Variants in MATN4 observed in about 807,000 individuals in gnomAD.
The protein encoded by MATN4 is matrilin-4.
MATN4 carries 40 observed loss-of-function variants against 54.6 expected under a neutral mutation model. The ratio of observed to expected loss-of-function variants is 0.73; its 90% CI spans 0.57 to 0.95. The LOEUF (loss-of-function observed/expected upper bound fraction) is 0.95. Among genes scored for constraint, MATN4 ranks in the 40% least tolerant of loss-of-function variants. MATN4 has a pLI of 0.00. For missense variants in MATN4, 810 were observed against 819.1 expected (o/e 0.99, Z 0.13); for synonymous variants, 351 against 345.3 (o/e 1.02, Z -0.18).
Position 45,304,600 on chromosome 20 carries a change from A to G in MATN4, c.271T>C (p.Phe91Leu). The G allele has an allele frequency of 6.3e-7, 1 of 1,594,640 alleles. No individual in the cohort carries two copies. The highest frequency in any genetic ancestry group is 8.6e-7 in the Non-Finnish European group (1 of 1,164,240). Reference sequence around the variant, plus strand: ...CGCTCCATGTCCTCGCGGCGAGAGAACGCGCGGAGAGGGAAGACGCTCTGC... The same window carrying G: ...CGCTCCATGTCCTCGCGGCGAGAGAGCGCGCGGAGAGGGAAGACGCTCTGC... The part of the protein sequence containing the change: ...QVQSVFPLRA[F>L]SRREDMERAI... The change falls in exon 3 of 10, where the codon TTC (phenylalanine) becomes CTC (leucine). Residue 91 changes from phenylalanine (F) to leucine (L), a missense_variant. Coordinates refer to ENST00000372756, the MANE Select transcript of MATN4 (RefSeq NM_001393530.1).
chr20:45,300,762 C>T (rs1459295974), intron 6 of MATN4, 125 bp downstream of exon 6: 20 of 1,198,580 alleles, frequency 1.7e-5, no homozygotes, highest in Non-Finnish European at 2.3e-5. Flanking sequence ...TCCAATGTCA[C>T]CCCCACAACA....
chr20:45,305,475 C>T, intron 2 of MATN4, 35 bp downstream of exon 2: 1 of 1,521,018 alleles, frequency 6.6e-7, no homozygotes, highest in Non-Finnish European at 8.9e-7. Context: ...TTCCGCTCCC[C>T]TCCTCCCACT....
rs758524789 is a variant in MATN4 at position 45,298,027 on chromosome 20, C to T, written c.1470G>A (p.Ala490=). Residue 490 remains alanine (A), a synonymous_variant, in exon 8 of 10, where the codon GCG becomes GCA. Coordinates refer to ENST00000372756, the MANE Select transcript of MATN4 (RefSeq NM_001393530.1). The surrounding 1 kb of genome is among the most constrained non-coding windows in gnomAD (Gnocchi z 4.6). ...GCTCCGAGGCGATCTCGCGCAGCTC[C>T]GCCTCCACCGCCTTGCCCACGCCCA... ...YAVGVGKAVE[A]ELREIASEPA... 26 of 1,613,914 alleles carry T rather than the reference C, an allele frequency of 1.6e-5. No individual in the cohort carries two copies. Among genetic ancestry groups the T allele is most frequent in the East Asian group, 1.6e-4 (7 of 44,884 alleles).
At chr20:45,300,788 A>AGGCTCCTATTCC in intron 6 of MATN4, 99 bp downstream of exon 6, 1 of 1,474,288 alleles carries the variant, frequency 6.8e-7, no homozygotes, top group African/African-American at 1.4e-5. Flanking sequence ...AGACATTCAC[A>AGGCTCCTATTCC]CCACAGCCTA....
At chr20:45,305,802 A>ATTTTTTTTTTTTTTTTTTTTTTTTTTT (rs1050722306) in intron 1 of MATN4, among the ~76,000 whole-genome samples, 186 bp from the exon 2 acceptor site, 1 of 12,178 alleles carries the variant, frequency 8.2e-5, no homozygotes, top group African/African-American at 3.0e-4. Flanking sequence ...AACACAAGAG[A>ATTTTTTTTTTTTTTTTTTTTTTTTTTT]TTCTTTTTTT....
chr20:45,298,017 C>G lies in MATN4; in HGVS notation c.1480G>C (p.Glu494Gln), dbSNP rs753576812. Residue 494 changes from glutamate to glutamine, a missense_variant, in exon 8 of 10, where the codon GAG becomes CAG. Transcript: ENST00000372756. The surrounding 1 kb of genome is among the most constrained non-coding windows in gnomAD (Gnocchi z 4.6). ...VGKAVEAELREIASEPAELHV... is the reference protein window; with the variant it reads ...VGKAVEAELRQIASEPAELHV... ...AGTTCCGCTGGCTCCGAGGCGATCT[C>G]GCGCAGCTCCGCCTCCACCGCCTTG... The G allele has an allele frequency of 1.2e-6, 2 of 1,614,020 alleles. No individual in the cohort carries two copies. Among genetic ancestry groups the G allele is most frequent in the East Asian group, 4.5e-5 (2 of 44,872 alleles).
chr20:45,297,660 A>G lies in MATN4; in HGVS notation c.1579+258T>C, dbSNP rs185938884. On this transcript the variant is annotated intron_variant, in intron 8 of 9. Coordinates refer to ENST00000372756, the MANE Select transcript of MATN4 (RefSeq NM_001393530.1). ...ATTTCTTAGACTTTAATATGCTTAC[A>G]AATCACCTGAGAATCTTGTCGAAGT... Among the ~76,000 whole-genome samples, 436 of 152,312 alleles carry G rather than the reference A, an allele frequency of 2.9e-3. 4 individuals are homozygous for G. The highest frequency in any genetic ancestry group is 0.01 in the African/African-American group (423 of 41,558).
chr20:45,308,341 CGGGTG>C, upstream of MATN4: 1 of 866,792 alleles, frequency 1.2e-6, no homozygotes, highest in Non-Finnish European at 1.9e-6. Context: ...CCAGGGCTGG[CGGGTG>C]GGGAGGGGAA....
rs1227332784 is a variant in MATN4, at chr20:45,298,377, C to T, written c.1219G>A (p.Glu407Lys). Residue 407 changes from glutamate (E) to lysine (K), a missense_variant, in exon 7 of 10, where the codon GAG becomes AAG. Coordinates refer to ENST00000372756, the MANE Select transcript of MATN4 (RefSeq NM_001393530.1). The surrounding 1 kb of genome is among the most constrained non-coding windows in gnomAD (Gnocchi z 4.6). ...ACGGCCAGGACCGCCTGCTTCACCT[C>T]GGCTGCGGTGCCGTAGCGACCCAGA... Reference protein sequence around the residue: ...FPLGRYGTAAEVKQAVLAVEY... With the variant: ...FPLGRYGTAAKVKQAVLAVEY... The T allele has an allele frequency of 6.2e-7, 1 of 1,612,292 alleles. No homozygotes were observed. Among genetic ancestry groups the T allele is most frequent in the South Asian group, 1.1e-5 (1 of 90,912 alleles).
rs1374684839 is a variant in MATN4, at chr20:45,293,979, G to A, written c.1616C>T (p.Pro539Leu). The A allele has an allele frequency of 6.2e-7, 1 of 1,603,330 alleles. No homozygotes were observed. Among genetic ancestry groups the A allele is most frequent in the Non-Finnish European group, 8.5e-7 (1 of 1,179,666 alleles). Residue 539 changes from proline (P) to leucine (L), a missense_variant, in exon 9 of 10, where the codon CCA becomes CTA. By Grantham distance (98) the Pro-to-Leu change is moderately conservative (BLOSUM62 -3). Coordinates refer to ENST00000372756, the MANE Select transcript of MATN4 (RefSeq NM_001393530.1). The stretch of plus-strand genomic sequence containing the variant: ...CTCCACGAGGCTTTCGCATTCGCAT[G>A]GGCTCCGAAGCTCTGTCCCTGCGCT... ...GISAGTELRSPCECESLVEFQ... is the reference protein window; with the variant it reads ...GISAGTELRSLCECESLVEFQ...
At chr20:45,308,498 C>T (rs753682641), upstream of MATN4, 49 of 528,314 alleles carry the variant, frequency 9.3e-5, no homozygotes, top group Middle Eastern at 5.1e-4. Context: ...TCAGCTACAG[C>T]GGGAGACTGG....
intron 8 of MATN4, among the ~76,000 whole-genome samples, chr20:45,295,724 G>A (rs114043221): frequency 3.3e-4 from 50 of 152,190 alleles, no homozygotes; most frequent in African/African-American, 1.1e-3. Context: ...GGTGATTCTG[G>A]TGTGACCTAA....
chr20:45,293,467 T>A lies in MATN4; in HGVS notation c.*300A>T, dbSNP rs962922624. ...GGACCCCGTGGAAATCAGTTTTTTT[T>A]ATTTTTTTAAGAACACAAACAAGAA... On this transcript the variant is annotated 3_prime_UTR_variant, in exon 10 of 10. Coordinates refer to ENST00000372756, the MANE Select transcript of MATN4 (RefSeq NM_001393530.1). 2.8e-5 allele frequency: 10 copies of A among 353,248 alleles called. No homozygotes were observed. The South Asian group carries it at 6.5e-4, about 23-fold the overall frequency. 21.9% of individuals were successfully genotyped at this position (353,248 alleles called of 1,614,324 possible). A position where few individuals can be genotyped will look rare whatever the true frequency, so the allele number is the denominator to read the frequency against.
chr20:45,299,075 G>A (rs1021954534), intron 6 of MATN4, among the ~76,000 whole-genome samples: 1 of 152,136 alleles, frequency 6.6e-6, no homozygotes, highest in African/African-American at 2.4e-5. Flanking sequence ...GATGGATAAA[G>A]TGATTGCCCC....
chr20:45,294,087 T>C, intron 8 of MATN4, 72 bp from the exon 9 acceptor site: 1 of 1,196,076 alleles, frequency 8.4e-7, no homozygotes, highest in South Asian at 1.3e-5. Context: ...TTCCCTGCAC[T>C]GGGCCTATGG....
Position 45,298,241 on chromosome 20 carries a change from AC to A in MATN4, c.1354del (p.Val452LeufsTer62), listed in dbSNP as rs1348667518. 6.2e-7 allele frequency: 1 copy of A among 1,611,828 alleles called. No individual in the cohort carries two copies. The highest frequency in any genetic ancestry group is 2.2e-5 in the East Asian group (1 of 44,810). On this transcript the variant is annotated frameshift_variant, in exon 7 of 10. Coordinates refer to ENST00000372756, the MANE Select transcript of MATN4 (RefSeq NM_001393530.1). LOFTEE classifies it high-confidence loss of function. The surrounding 1 kb of genome is among the most constrained non-coding windows in gnomAD (Gnocchi z 4.6). ...ARPRALNVPRVGLVFTDGRSQ... is the reference protein window; with the variant it reads ...ARPRALNVPRXGLVFTDGRSQ... Reference sequence around the variant, plus strand: ...GCGGCCATCCGTGAAGACCAGGCCAACACGAGGCACGTTAAGGGCACGGGGC... The same window carrying A: ...GCGGCCATCCGTGAAGACCAGGCCAAACGAGGCACGTTAAGGGCACGGGGC...
intron 1 of MATN4, chr20:45,306,776 C>T: frequency 3.5e-6 from 2 of 577,244 alleles, no homozygotes; most frequent in Non-Finnish European, 2.6e-6. Context: ...AACAGGGGGC[C>T]GGGGCCCGGG....
intron 8 of MATN4, among the ~76,000 whole-genome samples, chr20:45,294,919 T>C (rs1296448973): frequency 2.6e-5 from 4 of 152,146 alleles, no homozygotes; most frequent in African/African-American, 7.2e-5. Context: ...ACAAACCCTA[T>C]TGTAAACTGT....
At chr20:45,308,619 T>C (rs1264039178), upstream of MATN4, 4 of 258,326 alleles carry the variant, frequency 1.5e-5, no homozygotes, top group Non-Finnish European at 3.1e-5. Context: ...CTGCTGCCTG[T>C]CTGGCCTGGC....
Sources: allele counts gnomAD v4.1 joint callset (sites outside exome capture counted in the v4.1 genomes callset), GRCh38; gene constraint gnomAD v4.1.1; non-coding constraint Gnocchi (gnomAD v3.1); transcripts MANE v1.5; gene names NCBI Gene and HGNC (gene_info 2026-07-23, HGNC 2026-07-21).